The following PDE10A variants were observed in gnomAD, a reference collection of about 807,000 sequenced individuals.
PDE10A encodes the protein phosphodiesterase 10A.
Under a neutral mutation model 97.7 loss-of-function variants are expected in PDE10A, and 39 were observed. The observed-to-expected ratio is 0.40, with a 90% CI of 0.31 to 0.52. The LOEUF (loss-of-function observed/expected upper bound fraction) is 0.52, where lower values mean the gene tolerates loss of function less well. Ranked by LOEUF, PDE10A falls within the 20% of genes least tolerant of loss-of-function variation. The pLI is 0.56. For synonymous variants in PDE10A, 371 were observed against 376.8 expected, an observed-to-expected ratio of 0.98 and a Z score of 0.18; for missense variants, 731 against 1,047.8, an observed-to-expected ratio of 0.70 and a Z score of 4.17.
Position 165,331,618 on chromosome 6 carries a change from C to T in PDE10A, c.*1407G>A, listed in dbSNP as rs1055023308. 6.6e-6 allele frequency: 1 copy of T among 152,180 alleles called. No homozygotes were observed. Among genetic ancestry groups the T allele is most frequent in the Non-Finnish European group, 1.5e-5 (1 of 68,034 alleles). The allele number at this position is 152,180 out of a possible 1,614,324, so 9.4% of individuals were successfully genotyped here. A position where few individuals can be genotyped will look rare whatever the true frequency, so the allele number is the denominator to read the frequency against. ...TGGGCCTGTCACTTCCTGAGTGAGT[C>T]TCTGTCTAATTCAGGTTTGGAGGTT... On this transcript the variant is annotated 3_prime_UTR_variant, in exon 22 of 22. Coordinates refer to ENST00000539869, the MANE Select transcript of PDE10A (RefSeq NM_001385079.1).
intron 1 of PDE10A, among the ~76,000 whole-genome samples, chr6:165,620,093 C>G (rs145638556): frequency 0.013 from 1,995 of 152,200 alleles, 52 homozygotes; most frequent in African/African-American, 0.046. Flanking sequence ...ACATGCTTCA[C>G]TCTTCTCCAT....
chr6:165,849,797 C>A (rs1350982972), intron 1 of PDE10A, among the ~76,000 whole-genome samples: 1 of 144,528 alleles, frequency 6.9e-6, no homozygotes, highest in Non-Finnish European at 1.5e-5. Flanking sequence ...GTCAGTTGTT[C>A]TTTCAAGTAA....
At chr6:165,840,213 A>C (rs1780223547) in intron 1 of PDE10A, among the ~76,000 whole-genome samples, 1 of 142,902 alleles carries the variant, frequency 7.0e-6, no homozygotes, top group Non-Finnish European at 1.5e-5. Flanking sequence ...CCCCACCTCC[A>C]CCCTTATCTA....
chr6:165,695,605 C>T (rs369692161), intron 1 of PDE10A, among the ~76,000 whole-genome samples: 9 of 152,268 alleles, frequency 5.9e-5, no homozygotes, highest in African/African-American at 2.2e-4. Context: ...GAGGTGCAGG[C>T]TGTAAAACAG....
rs1464858099 is a variant in PDE10A at position 165,711,512 on chromosome 6, A to G, written c.-614-167944T>C. On this transcript the variant is annotated intron_variant, in intron 1 of 19. Coordinates refer to the PDE10A transcript ENST00000366882. The surrounding 1 kb of genome is among the most constrained non-coding windows in gnomAD (Gnocchi z 4.5). ...TGGAGAGGGCCTTAAGTCACTCTCC[A>G]TTTGGAGGTTTTCTTGAGGGGATTT... 6.6e-6 allele frequency among the ~76,000 whole-genome samples: 1 copy of G among 152,138 alleles called. No homozygotes were observed. The highest frequency in any genetic ancestry group is 1.5e-5 in the Non-Finnish European group (1 of 68,020).
chr6:165,490,875 A>C (rs1780187335), intron 2 of PDE10A, among the ~76,000 whole-genome samples: 1 of 152,180 alleles, frequency 6.6e-6, no homozygotes. Context: ...GAATTCCTTG[A>C]ACCTGGGAAG....
At chr6:165,810,480 G>C (rs189480895) in intron 1 of PDE10A, among the ~76,000 whole-genome samples, 1 of 152,152 alleles carries the variant, frequency 6.6e-6, no homozygotes, top group Admixed American at 6.6e-5. Context: ...CATCCTCAGA[G>C]CACTCAGCTT....
At chr6:165,957,560 T>C (rs1477196713) in intron 1 of PDE10A, among the ~76,000 whole-genome samples, 1 of 152,182 alleles carries the variant, frequency 6.6e-6, no homozygotes, top group East Asian at 1.9e-4. Flanking sequence ...TTCTGACCTC[T>C]CCCTCTGTCA....
chr6:165,461,230 C>T (rs548174648), intron 3 of PDE10A, among the ~76,000 whole-genome samples: 167 of 152,292 alleles, frequency 1.1e-3, no homozygotes, highest in African/African-American at 3.8e-3. Flanking sequence ...CCTTCTCCTG[C>T]TACAATTCCA....
At chr6:165,738,299 G>A (rs1368512898) in intron 1 of PDE10A, among the ~76,000 whole-genome samples, 1 of 151,704 alleles carries the variant, frequency 6.6e-6, no homozygotes, top group Non-Finnish European at 1.5e-5. Context: ...TACTGAGAAT[G>A]ATGATTTCCA....
At chr6:165,647,788 ACTGT>A (rs780765576) in intron 1 of PDE10A, among the ~76,000 whole-genome samples, 9 of 152,164 alleles carry the variant, frequency 5.9e-5, no homozygotes, top group Non-Finnish European at 1.3e-4. Context: ...TTCGGAAAAG[ACTGT>A]CTCAGAACCC....
At chr6:165,701,760 CATGT>C (rs572994793) in intron 1 of PDE10A, among the ~76,000 whole-genome samples, 1,691 of 149,062 alleles carry the variant, frequency 0.011, 39 homozygotes, top group African/African-American at 0.039. Context: ...TGTATGTTTG[CATGT>C]GTGTATGTTT....
intron 1 of PDE10A, among the ~76,000 whole-genome samples, chr6:165,689,549 C>T (rs773007624): frequency 6.6e-6 from 1 of 152,122 alleles, no homozygotes; most frequent in African/African-American, 2.4e-5. Flanking sequence ...AGTGAGTTCT[C>T]GTTCTGTTAG....
intron 5 of PDE10A, among the ~76,000 whole-genome samples, chr6:165,444,507 T>G (rs1028827461): frequency 6.6e-6 from 1 of 152,156 alleles, no homozygotes; most frequent in Non-Finnish European, 1.5e-5. Context: ...TTTCTCCATT[T>G]TGCTTCAGAA....
chr6:165,346,480 G>A (rs987191767), intron 18 of PDE10A, among the ~76,000 whole-genome samples: 11 of 152,182 alleles, frequency 7.2e-5, no homozygotes, highest in Admixed American at 1.3e-4. Flanking sequence ...CAGATAAAGA[G>A]CACAGGCTCT....
At chr6:165,444,660 T>C (rs1790710943) in intron 5 of PDE10A, among the ~76,000 whole-genome samples, 2 of 152,054 alleles carry the variant, frequency 1.3e-5, no homozygotes, top group African/African-American at 4.8e-5. Context: ...GTTTTAATTT[T>C]AGTGCTTTTT....
intron 1 of PDE10A, among the ~76,000 whole-genome samples, chr6:165,884,259 T>G (rs1781570256): frequency 6.6e-6 from 1 of 152,102 alleles, no homozygotes; most frequent in South Asian, 2.1e-4. Context: ...GTCAGGAAAG[T>G]TTAGAGGCAC....
intron 3 of PDE10A, among the ~76,000 whole-genome samples, chr6:165,471,705 G>T (rs1779020051): frequency 6.6e-6 from 1 of 151,856 alleles, no homozygotes; most frequent in Non-Finnish European, 1.5e-5. Flanking sequence ...AATAATTCTT[G>T]TTAGCCCTCC....
At chr6:165,620,928 G>A (rs1562636655) in intron 1 of PDE10A, among the ~76,000 whole-genome samples, 1 of 151,856 alleles carries the variant, frequency 6.6e-6, no homozygotes, top group Non-Finnish European at 1.5e-5. Context: ...GGCTGAGACA[G>A]GGGAATCGAT....
Sources: allele counts gnomAD v4.1 joint callset (sites outside exome capture counted in the v4.1 genomes callset), GRCh38; gene constraint gnomAD v4.1.1; non-coding constraint Gnocchi (gnomAD v3.1); transcripts MANE v1.5; gene names NCBI Gene and HGNC (gene_info 2026-07-23, HGNC 2026-07-21).